Variants in CYP2C18 observed in about 807,000 individuals in gnomAD.
CYP2C18 encodes the protein cytochrome P450 2C18.
Under a neutral mutation model 41.3 loss-of-function variants are expected in CYP2C18, and 38 were observed. That is an observed-to-expected ratio of 0.92 (90% CI 0.71 to 1.21). The LOEUF is 1.21. Ranked by LOEUF, CYP2C18 falls within the 50% of genes most tolerant of loss-of-function variation. The probability of loss-of-function intolerance (pLI) is 0.00; values close to 1 mark genes in which losing one functional copy is unlikely to be tolerated. For synonymous variants in CYP2C18, 236 were observed against 210.0 expected, an observed-to-expected ratio of 1.12 and a Z score of -1.07; for missense variants, 635 against 591.4, an observed-to-expected ratio of 1.07 and a Z score of -0.77.
intron 4 of CYP2C18, among the ~76,000 whole-genome samples, chr10:94,704,700 C>A (rs1166806342): frequency 6.6e-6 from 1 of 152,150 alleles, no homozygotes; most frequent in Non-Finnish European, 1.5e-5. Flanking sequence ...ATTTTTCTAA[C>A]TAGCCTGTCC....
At chr10:94,726,255 T>C (rs1847739832) in intron 7 of CYP2C18, among the ~76,000 whole-genome samples, 1 of 152,126 alleles carries the variant, frequency 6.6e-6, no homozygotes, top group Admixed American at 6.6e-5. Flanking sequence ...ATGTGCAGTT[T>C]TGTTACATAG....
At chr10:94,730,315 T>A (rs1847806184) in intron 7 of CYP2C18, among the ~76,000 whole-genome samples, 1 of 152,166 alleles carries the variant, frequency 6.6e-6, no homozygotes. Context: ...TAATGTTTTT[T>A]AAAAACATCC....
chr10:94,731,390 T>A (rs756815893), intron 7 of CYP2C18, among the ~76,000 whole-genome samples: 43 of 147,116 alleles, frequency 2.9e-4, no homozygotes, highest in Non-Finnish European at 4.4e-4. Flanking sequence ...AAAAAAAAAA[T>A]AAAATAAAAA....
intron 6 of CYP2C18, among the ~76,000 whole-genome samples, chr10:94,721,589 A>T (rs1847645887): frequency 6.6e-6 from 1 of 151,606 alleles, no homozygotes; most frequent in African/African-American, 2.4e-5. Context: ...AATAGGTAGC[A>T]TTTCATCCCT....
chr10:94,684,025 T>G lies in CYP2C18; in HGVS notation c.168+38T>G, dbSNP rs117361004. The G allele has an allele frequency of 4.1e-4, 596 of 1,455,584 alleles. 3 individuals carry two copies. In the East Asian group the frequency reaches 0.012, roughly 29 times the overall value. The allele number at this position is 1,455,584 out of a possible 1,614,324, so 90.2% of individuals were successfully genotyped here. A position where few individuals can be genotyped will look rare whatever the true frequency, so the allele number is the denominator to read the frequency against. On this transcript the variant is annotated intron_variant, in intron 1 of 8. Coordinates refer to ENST00000285979, the MANE Select transcript of CYP2C18 (RefSeq NM_000772.3). ...TATGTTCCTCCAGTAATGTACAAGG[T>G]GTATTTAACCTCACAATTCTTAAAG... is the stretch of plus-strand genomic sequence containing the variant.
intron 7 of CYP2C18, 88 bp downstream of exon 7, chr10:94,724,621 G>A (rs1427953165): frequency 7.9e-7 from 1 of 1,259,588 alleles, no homozygotes; most frequent in Non-Finnish European, 1.1e-6. Flanking sequence ...AACACATGAT[G>A]AGAGAAGTGT....
chr10:94,722,478 CA>C (rs1373851242), intron 6 of CYP2C18, among the ~76,000 whole-genome samples: 1 of 152,032 alleles, frequency 6.6e-6, no homozygotes, highest in Non-Finnish European at 1.5e-5. Flanking sequence ...AAGTCTTTAA[CA>C]AACTTCTCAG....
At chr10:94,692,501 C>A (rs1241902886) in intron 3 of CYP2C18, among the ~76,000 whole-genome samples, 3 of 152,014 alleles carry the variant, frequency 2.0e-5, no homozygotes, top group Non-Finnish European at 4.4e-5. Flanking sequence ...GAATGGCGAT[C>A]ATTAAAAAGT....
intron 5 of CYP2C18, among the ~76,000 whole-genome samples, chr10:94,715,066 T>A (rs1847514966): frequency 6.6e-6 from 1 of 152,060 alleles, no homozygotes; most frequent in African/African-American, 2.4e-5. Flanking sequence ...TATCAGCTTT[T>A]TGGAGATTTT....
intron 5 of CYP2C18, among the ~76,000 whole-genome samples, chr10:94,711,744 G>T (rs1351185062): frequency 6.6e-6 from 1 of 152,034 alleles, no homozygotes; most frequent in Non-Finnish European, 1.5e-5. Flanking sequence ...CAATGTAAAT[G>T]CCATGTAAGT....
intron 3 of CYP2C18, among the ~76,000 whole-genome samples, chr10:94,691,274 C>T (rs1207591465): frequency 6.6e-6 from 1 of 152,056 alleles, no homozygotes; most frequent in Admixed American, 6.6e-5. Context: ...CTAGAAAACC[C>T]CATCATCTCA....
intron 5 of CYP2C18, among the ~76,000 whole-genome samples, chr10:94,716,763 C>G (rs755116908): frequency 9.2e-5 from 14 of 152,142 alleles, no homozygotes; most frequent in Non-Finnish European, 1.3e-4. Flanking sequence ...CTTGATCTGT[C>G]TAATGTTGAC....
At chr10:94,731,024 G>C (rs990738742) in intron 7 of CYP2C18, among the ~76,000 whole-genome samples, 3 of 152,154 alleles carry the variant, frequency 2.0e-5, no homozygotes, top group Admixed American at 6.6e-5. Flanking sequence ...AGAAATCATA[G>C]ATGACAAAAA....
chr10:94,693,160 T>C (rs777439094), intron 3 of CYP2C18, among the ~76,000 whole-genome samples: 2 of 152,046 alleles, frequency 1.3e-5, no homozygotes, highest in Non-Finnish European at 2.9e-5. Flanking sequence ...ATTTAAAGTA[T>C]ATAAAAAAAA....
intron 4 of CYP2C18, among the ~76,000 whole-genome samples, chr10:94,695,666 A>AGCCAAAGCAGGGTGAGGCATT (rs1847102776): frequency 6.6e-6 from 1 of 152,092 alleles, no homozygotes; most frequent in African/African-American, 2.4e-5. Context: ...AATGAGCATG[A>AGCCAAAGCAGGGTGAGGCATT]GCCAAAGCAG....
At chr10:94,712,008 ATTTTTTTT>A (rs35672164) in intron 5 of CYP2C18, among the ~76,000 whole-genome samples, 1 of 97,874 alleles carries the variant, frequency 1.0e-5, no homozygotes, top group Non-Finnish European at 2.0e-5. Flanking sequence ...TGCCCAACTA[ATTTTTTTT>A]TTTTTTTTTT....
At chr10:94,725,370 T>A (rs1269991201) in intron 7 of CYP2C18, among the ~76,000 whole-genome samples, 1 of 152,014 alleles carries the variant, frequency 6.6e-6, no homozygotes. Context: ...ATTTTTTGTT[T>A]GTAAATTTAT....
At chr10:94,709,876 G>A (rs905618688) in intron 5 of CYP2C18, among the ~76,000 whole-genome samples, 6 of 152,112 alleles carry the variant, frequency 3.9e-5, no homozygotes, top group Non-Finnish European at 7.4e-5. Context: ...TTGAGTGATC[G>A]TGGTACATTT....
At chr10:94,734,982 A>C (rs530621349) in intron 8 of CYP2C18, among the ~76,000 whole-genome samples, 1 of 152,310 alleles carries the variant, frequency 6.6e-6, no homozygotes, top group South Asian at 2.1e-4. Context: ...TTGTAGTGTC[A>C]AAAGAGCAGT....
Sources: gnomAD v4.1 joint callset for allele counts (sites outside exome capture counted in the v4.1 genomes callset) on GRCh38, gnomAD v4.1.1 for gene constraint, MANE v1.5 for transcripts, NCBI Gene and HGNC (gene_info 2026-07-23, HGNC 2026-07-21) for gene names.